WDR47: variants seen among roughly 807,000 people sequenced by gnomAD.
The protein encoded by WDR47 is WD repeat-containing protein 47.
Under a neutral mutation model 97.2 loss-of-function variants are expected in WDR47, and 32 were observed. The ratio of observed to expected loss-of-function variants is 0.33; its 90% CI spans 0.25 to 0.44. The LOEUF (loss-of-function observed/expected upper bound fraction) is 0.44. Among genes scored for constraint, WDR47 ranks in the 20% least tolerant of loss-of-function variants. The pLI, the probability that WDR47 is intolerant of heterozygous loss-of-function variation, is 1.00. For synonymous variants in WDR47, 375 were observed against 373.5 expected (o/e 1.00, Z -0.05); for missense variants, 782 against 1,102.3 (o/e 0.71, Z 4.11).
Position 108,971,517 on chromosome 1 carries a change from C to T in WDR47, c.2673G>A (p.Val891=). ...IMVVGEHKDK[V]IQCRWHTQDL... is the part of the protein sequence containing the mutation. ...CCTGGGTGTGCCATCTGCACTGAAT[C>T]ACTTTGTCCTTGTGCTCCCCCACCA... Residue 891 remains valine, a synonymous_variant, in exon 15 of 15, where the codon GTG becomes GTA. Transcript: ENST00000369962. 1 of 1,614,190 alleles carries T rather than the reference C, an allele frequency of 6.2e-7. No homozygotes were observed. The highest frequency in any genetic ancestry group is 8.5e-7 in the Non-Finnish European group (1 of 1,180,036).
In WDR47 at chr1:109,029,671, C is replaced by CTAAATAAA. The variant is rs112161424; in HGVS notation, c.-9-6158_-9-6151dup. Among the ~76,000 whole-genome samples the CTAAATAAA allele has an allele frequency of 1.1e-3, 150 of 140,664 alleles. 2 individuals carry two copies. The highest frequency in any genetic ancestry group is 3.5e-3 in the Middle Eastern group (1 of 284). 92.3% of individuals were successfully genotyped at this position (140,664 alleles called of 152,430 possible). On this transcript the variant is annotated intron_variant, in intron 1 of 14. Coordinates refer to ENST00000369962, the MANE Select transcript of WDR47 (RefSeq NM_001142551.2). ...TGGGTGACAGAGCGAGACTCTGTCT[C>CTAAATAAA]TAAATAAATAAATAAATAAATAAAT...
At chr1:109,036,855 A>G (rs917178496) in intron 1 of WDR47, among the ~76,000 whole-genome samples, 1 of 152,098 alleles carries the variant, frequency 6.6e-6, no homozygotes, top group Non-Finnish European at 1.5e-5. Context: ...AAATAAATAA[A>G]TAATAAAGCA....
intron 13 of WDR47, 46 bp from the exon 14 acceptor site, chr1:108,974,800 C>CCA: frequency 7.0e-7 from 1 of 1,428,572 alleles, no homozygotes; most frequent in East Asian, 2.4e-5. Flanking sequence ...ATCAATATAC[C>CCA]CAAATGGCAA....
intron 2 of WDR47, 43 bp from the exon 3 acceptor site, chr1:109,017,644 G>A (rs1289091781): frequency 6.7e-7 from 1 of 1,501,162 alleles, no homozygotes; most frequent in African/African-American, 1.4e-5. Flanking sequence ...ACCAAATTCA[G>A]GTTATACTAA....
Position 109,035,335 on chromosome 1 carries a change from A to C in WDR47, c.-10+6527T>G, listed in dbSNP as rs188842528. On this transcript the variant is annotated intron_variant, in intron 1 of 14. Coordinates refer to ENST00000369962, the MANE Select transcript of WDR47 (RefSeq NM_001142551.2). ...AGTGTGATTATCTCTGAAGAAAGGC[A>C]TGGGATTGGGATGGAGGGCAGGGAT... 1.2e-3 allele frequency among the ~76,000 whole-genome samples: 188 copies of C among 151,566 alleles called. 2 individuals carry two copies. Among genetic ancestry groups the C allele is most frequent in the Non-Finnish European group, 1.5e-3 (105 of 67,940 alleles).
At chr1:109,022,520 C>CA (rs1289938124) in intron 2 of WDR47, among the ~76,000 whole-genome samples, 1 of 152,184 alleles carries the variant, frequency 6.6e-6, no homozygotes, top group Non-Finnish European at 1.5e-5. Flanking sequence ...TTCTTTTTAA[C>CA]AGACCTCTGG....
intron 5 of WDR47, among the ~76,000 whole-genome samples, chr1:109,005,657 G>A (rs1660542068): frequency 1.3e-5 from 2 of 151,688 alleles, no homozygotes; most frequent in South Asian, 2.1e-4. Context: ...GGCAGATCAC[G>A]AGGTCAGGAG....
intron 7 of WDR47, among the ~76,000 whole-genome samples, chr1:108,998,160 G>A (rs1280056238): frequency 6.6e-6 from 1 of 152,094 alleles, no homozygotes; most frequent in Non-Finnish European, 1.5e-5. Flanking sequence ...AAAAAGGGAT[G>A]TGAGGTCAAA....
chr1:108,992,959 AG>A (rs1188704151), intron 8 of WDR47: 2 of 706,744 alleles, frequency 2.8e-6, no homozygotes, highest in African/African-American at 3.6e-5. Flanking sequence ...CCAACTTAAA[AG>A]GGCCCATGAA....
chr1:108,973,000 G>C (rs560750332), intron 14 of WDR47, among the ~76,000 whole-genome samples: 2 of 149,244 alleles, frequency 1.3e-5, no homozygotes, highest in African/African-American at 4.9e-5. Flanking sequence ...ATTCTTCTGT[G>C]TCTCTCTCTC....
intron 14 of WDR47, among the ~76,000 whole-genome samples, chr1:108,973,165 C>A (rs955948426): frequency 2.6e-5 from 4 of 151,796 alleles, no homozygotes; most frequent in East Asian, 1.9e-4. Context: ...ATGCAAATGG[C>A]ATTTCCTTGG....
At chr1:109,033,423 A>G (rs1359822398) in intron 1 of WDR47, among the ~76,000 whole-genome samples, 1 of 152,228 alleles carries the variant, frequency 6.6e-6, no homozygotes, top group Non-Finnish European at 1.5e-5. Context: ...TTCACAAAAG[A>G]ACTATGAATA....
chr1:109,017,994 C>A (rs1661544446), intron 2 of WDR47, among the ~76,000 whole-genome samples: 1 of 151,804 alleles, frequency 6.6e-6, no homozygotes, highest in African/African-American at 2.4e-5. Context: ...GGTGATCCAC[C>A]CACCTCAGCC....
In WDR47 at chr1:108,971,199, G is replaced by C. The variant is rs1458371497; in HGVS notation, c.*231C>G. 2.1e-6 allele frequency: 1 copy of C among 468,854 alleles called. No individual in the cohort carries two copies. The highest frequency in any genetic ancestry group is 1.9e-5 in the African/African-American group (1 of 51,594). 29.0% of individuals were successfully genotyped at this position (468,854 alleles called of 1,614,324 possible). On this transcript the variant is annotated 3_prime_UTR_variant, in exon 15 of 15. Transcript: ENST00000369962. ...CTGAAGAGCTCTTCTGCAGACTTTG[G>C]CAACGAGACTACATATAGCAGGTCA...
intron 8 of WDR47, chr1:108,992,637 T>C (rs1456362721): frequency 1.4e-6 from 2 of 1,434,334 alleles, no homozygotes; most frequent in Non-Finnish European, 1.9e-6. Context: ...CATATCCAAG[T>C]GAACAAAGCA....
chr1:108,982,047 C>A (rs1437084794), intron 12 of WDR47, among the ~76,000 whole-genome samples, 183 bp from the exon 13 acceptor site: 2 of 150,270 alleles, frequency 1.3e-5, no homozygotes, highest in Non-Finnish European at 3.0e-5. Flanking sequence ...ATGATCAAGC[C>A]ACTGCATTCC....
chr1:109,032,960 A>T (rs1362723946), intron 1 of WDR47, among the ~76,000 whole-genome samples: 1 of 152,124 alleles, frequency 6.6e-6, no homozygotes, highest in Non-Finnish European at 1.5e-5. Flanking sequence ...CAATTATGTT[A>T]AAAGACAAGG....
intron 1 of WDR47, among the ~76,000 whole-genome samples, chr1:109,031,727 T>C (rs1662616187): frequency 7.2e-6 from 1 of 139,090 alleles, no homozygotes; most frequent in African/African-American, 2.6e-5. Context: ...CAAAGGAATT[T>C]GTATTTCTTC....
chr1:109,031,520 CA>C (rs2102033960), intron 1 of WDR47, among the ~76,000 whole-genome samples: 1 of 139,060 alleles, frequency 7.2e-6, no homozygotes, highest in East Asian at 2.1e-4. Context: ...ACCTATATAA[CA>C]AACCTGTACA....
Sources: allele counts gnomAD v4.1 joint callset (sites outside exome capture counted in the v4.1 genomes callset), GRCh38; gene constraint gnomAD v4.1.1; transcripts MANE v1.5; gene names NCBI Gene and HGNC (gene_info 2026-07-23, HGNC 2026-07-21).